Variants in GRM7 observed in about 807,000 individuals in gnomAD.
GRM7 encodes metabotropic glutamate receptor 7.
GRM7 carries 35 observed loss-of-function variants against 84.5 expected under a neutral mutation model. The ratio of observed to expected loss-of-function variants is 0.41; its 90% CI spans 0.32 to 0.55. The LOEUF is 0.55. Among genes scored for constraint, GRM7 ranks in the 20% least tolerant of loss-of-function variants. The pLI, the probability that GRM7 is intolerant of heterozygous loss-of-function variation, is 0.19. For missense variants in GRM7, 1,003 were observed against 1,194.6 expected (o/e 0.84, Z 2.36); for synonymous variants, 487 against 455.1 (o/e 1.07, Z -0.89).
At chr3:7,218,508 G>A (rs983137794) in intron 2 of GRM7, among the ~76,000 whole-genome samples, 1 of 151,854 alleles carries the variant, frequency 6.6e-6, no homozygotes, top group African/African-American at 2.4e-5. Context: ...ATTGTGGGGT[G>A]GGAATAGATG....
chr3:6,883,203 T>C (rs1695575687), intron 1 of GRM7, among the ~76,000 whole-genome samples: 1 of 152,186 alleles, frequency 6.6e-6, no homozygotes, highest in African/African-American at 2.4e-5. Flanking sequence ...ACTGTTTGTA[T>C]TTCTTCTTTT....
intron 1 of GRM7, among the ~76,000 whole-genome samples, chr3:7,042,214 C>A (rs780401895): frequency 6.6e-6 from 1 of 151,994 alleles, no homozygotes; most frequent in Non-Finnish European, 1.5e-5. Context: ...TGGTTTATAG[C>A]CAGTCAATCA....
chr3:7,097,508 T>C lies in GRM7; in HGVS notation c.520-48944T>C, dbSNP rs149624928. ...GGGTGGAATCTAAATGTGTCTACTCTATGAAAACTTGAAGATGGCATTGAA... is the reference window on the plus strand; with the variant it reads ...GGGTGGAATCTAAATGTGTCTACTCCATGAAAACTTGAAGATGGCATTGAA... On this transcript the variant is annotated intron_variant, in intron 1 of 9. Transcript: ENST00000357716. 5.7e-3 allele frequency among the ~76,000 whole-genome samples: 873 copies of C among 152,204 alleles called. 11 individuals are homozygous for C. The highest frequency in any genetic ancestry group is 0.02 in the African/African-American group (832 of 41,544).
intron 1 of GRM7, among the ~76,000 whole-genome samples, chr3:6,868,633 C>T (rs1184038684): frequency 2.0e-5 from 3 of 152,138 alleles, no homozygotes; most frequent in Non-Finnish European, 2.9e-5. Context: ...AACTTCATTT[C>T]GTTCACTCCA....
intron 7 of GRM7, among the ~76,000 whole-genome samples, chr3:7,523,625 G>A: frequency 6.6e-6 from 1 of 152,118 alleles, no homozygotes; most frequent in African/African-American, 2.4e-5. Context: ...GACTACAAGG[G>A]ATGTACTTTC....
rs144607102 is a variant in GRM7, at chr3:7,081,924, C to T, written c.520-64528C>T. Among the ~76,000 whole-genome samples the T allele has an allele frequency of 5.9e-5, 9 of 151,906 alleles. 1 individual carries two copies. The East Asian group carries it at 7.8e-4, about 13-fold the overall frequency. Reference sequence around the variant, plus strand: ...AGGCTGAAAGAAGTGAGAGAGCTACCGAAGGAAAGTTTGGAGCTAGCAGGA... The same window carrying T: ...AGGCTGAAAGAAGTGAGAGAGCTACTGAAGGAAAGTTTGGAGCTAGCAGGA... On this transcript the variant is annotated intron_variant, in intron 1 of 9. Coordinates refer to ENST00000357716, the MANE Select transcript of GRM7 (RefSeq NM_000844.4).
At position 7,644,151 on chromosome 3, in the gene GRM7, TAC is replaced by T. The variant is rs1355754416; in HGVS notation, c.2452-35897_2452-35896del. On this transcript the variant is annotated intron_variant, in intron 8 of 9. Coordinates refer to ENST00000357716, the MANE Select transcript of GRM7 (RefSeq NM_000844.4). ...GTGTGTGTGTGTATATATATGTCTG[TAC>T]GTATATATATATATGTCTGTACATA... Among the ~76,000 whole-genome samples the T allele has an allele frequency of 2.4e-4, 29 of 120,106 alleles. 1 individual carries two copies. Among genetic ancestry groups the T allele is most frequent in the African/African-American group, 7.4e-4 (25 of 33,712 alleles). 78.8% of individuals were successfully genotyped at this position (120,106 alleles called of 152,430 possible). A position where few individuals can be genotyped will look rare whatever the true frequency, so the allele number is the denominator to read the frequency against.
chr3:7,498,218 T>G (rs1281531595), intron 7 of GRM7, among the ~76,000 whole-genome samples: 1 of 152,216 alleles, frequency 6.6e-6, no homozygotes, highest in African/African-American at 2.4e-5. Context: ...CAGATAATTG[T>G]TTGTCCACTA....
At chr3:7,118,145 G>A (rs996049198) in intron 1 of GRM7, among the ~76,000 whole-genome samples, 5 of 152,136 alleles carry the variant, frequency 3.3e-5, no homozygotes, top group Non-Finnish European at 7.4e-5. Context: ...CAGTACTTTG[G>A]GAGGGCAAGG....
intron 1 of GRM7, among the ~76,000 whole-genome samples, chr3:7,143,808 C>T (rs1168001532): frequency 3.3e-5 from 5 of 152,190 alleles, no homozygotes; most frequent in Admixed American, 3.3e-4. Flanking sequence ...TACATTTCCA[C>T]AAGTTGAAAT....
intron 1 of GRM7, among the ~76,000 whole-genome samples, chr3:7,141,235 A>G (rs1285907021): frequency 6.6e-6 from 1 of 152,044 alleles, no homozygotes; most frequent in Non-Finnish European, 1.5e-5. Context: ...ACAACTAAAA[A>G]GAATTATAAC....
At chr3:7,376,433 G>T (rs1413249643) in intron 4 of GRM7, among the ~76,000 whole-genome samples, 1 of 152,154 alleles carries the variant, frequency 6.6e-6, no homozygotes, top group Non-Finnish European at 1.5e-5. Flanking sequence ...AGGAAAACAG[G>T]TGAGGAACAA....
chr3:6,912,730 A>G (rs1287899278), intron 1 of GRM7, among the ~76,000 whole-genome samples: 2 of 152,188 alleles, frequency 1.3e-5, no homozygotes, highest in Non-Finnish European at 2.9e-5. Flanking sequence ...AATTTTTATT[A>G]ATCATAGACA....
intron 1 of GRM7, among the ~76,000 whole-genome samples, chr3:7,089,332 C>A (rs1442299680): frequency 6.6e-6 from 1 of 152,124 alleles, no homozygotes; most frequent in Non-Finnish European, 1.5e-5. Context: ...CTTGCATCAG[C>A]TATAGTTCCA....
At chr3:7,391,761 A>G (rs1012410552) in intron 4 of GRM7, among the ~76,000 whole-genome samples, 2 of 130,552 alleles carry the variant, frequency 1.5e-5, no homozygotes, top group African/African-American at 5.3e-5. Context: ...AAAGGTGTGC[A>G]TGGAAAAAAA....
chr3:7,288,421 A>G (rs550690362), intron 2 of GRM7, among the ~76,000 whole-genome samples: 55 of 152,202 alleles, frequency 3.6e-4, no homozygotes, highest in African/African-American at 1.2e-3. Flanking sequence ...ATCATATCAG[A>G]ATTTATAAGA....
chr3:7,645,565 A>G (rs938101086), intron 8 of GRM7, among the ~76,000 whole-genome samples: 54 of 150,702 alleles, frequency 3.6e-4, no homozygotes, highest in Non-Finnish European at 7.0e-4. Context: ...AAAAAAAAAA[A>G]AAAAAAGAAA....
intron 2 of GRM7, among the ~76,000 whole-genome samples, chr3:7,196,419 C>T (rs78516621): frequency 0.02 from 3,006 of 152,180 alleles, 91 homozygotes; most frequent in African/African-American, 0.068. Context: ...TGAACTATGC[C>T]ACTGCATAGT....
intron 2 of GRM7, among the ~76,000 whole-genome samples, chr3:7,224,560 T>G (rs1696918607): frequency 6.6e-6 from 1 of 152,142 alleles, no homozygotes; most frequent in African/African-American, 2.4e-5. Flanking sequence ...TGCCGACCCA[T>G]GTTTTAGGTC....
Sources: gnomAD v4.1 joint callset for allele counts (sites outside exome capture counted in the v4.1 genomes callset) on GRCh38, gnomAD v4.1.1 for gene constraint, MANE v1.5 for transcripts, NCBI Gene and HGNC (gene_info 2026-07-23, HGNC 2026-07-21) for gene names.